Variants in TIAL1 observed in about 807,000 individuals in gnomAD.
The protein encoded by TIAL1 is TIA1 cytotoxic granule associated RNA binding protein like 1.
Under a neutral mutation model 59.7 loss-of-function variants are expected in TIAL1, and 7 were observed. The ratio of observed to expected loss-of-function variants is 0.12; its 90% CI spans 0.07 to 0.22. The LOEUF (loss-of-function observed/expected upper bound fraction) is 0.22, where lower values mean the gene tolerates loss of function less well. Ranked by LOEUF, TIAL1 falls within the 10% of genes least tolerant of loss-of-function variation. TIAL1 has a pLI of 1.00. For missense variants in TIAL1, 225 were observed against 462.5 expected (o/e 0.49, Z 4.71); for synonymous variants, 149 against 146.3 (o/e 1.02, Z -0.13).
At chr10:119,586,838 C>T (rs1845592120) in intron 2 of TIAL1, among the ~76,000 whole-genome samples, 1 of 152,192 alleles carries the variant, frequency 6.6e-6, no homozygotes, top group African/African-American at 2.4e-5. Flanking sequence ...TTCATCTCAG[C>T]TCAAAGAGGT....
rs541762551 is a variant in TIAL1, at chr10:119,591,274, G to A, written c.33-3026C>T. On this transcript the variant is annotated intron_variant, in intron 1 of 11. Coordinates refer to ENST00000436547, the MANE Select transcript of TIAL1 (RefSeq NM_003252.4). The stretch of plus-strand genomic sequence containing the variant: ...CAAAAAATTAGCCAGGCATGGTGGC[G>A]GGCACCTGTAATCCCAGCTACTTGG... Among the ~76,000 whole-genome samples the A allele has an allele frequency of 1.7e-4, 26 of 152,022 alleles. No homozygotes were observed. The South Asian group carries it at 3.1e-3, about 18-fold the overall frequency.
chr10:119,595,753 T>C (rs1218427024), intron 1 of TIAL1, among the ~76,000 whole-genome samples: 1 of 151,968 alleles, frequency 6.6e-6, no homozygotes, highest in Non-Finnish European at 1.5e-5. Context: ...CAGTTTAGCG[T>C]AGGGAGCGCT....
chr10:119,585,361 G>A (rs553926644), intron 2 of TIAL1, among the ~76,000 whole-genome samples: 52 of 140,684 alleles, frequency 3.7e-4, no homozygotes, highest in South Asian at 6.9e-4. Context: ...GAGGTGGGAG[G>A]ATCACTTGAA....
In TIAL1 at chr10:119,582,723, C is replaced by T; in HGVS notation, c.130-166G>A. On this transcript the variant is annotated intron_variant, in intron 2 of 11. Coordinates refer to ENST00000436547, the MANE Select transcript of TIAL1 (RefSeq NM_003252.4). The surrounding 1 kb of genome is among the most constrained non-coding windows in gnomAD (Gnocchi z 5.1). ...AAATAAGATTTAAAGCTAAACCTGA[C>T]TTTGCACCTCAGAATACTGCTGAAC... 3 of 1,079,782 alleles carry T rather than the reference C, an allele frequency of 2.8e-6. No homozygotes were observed. The highest frequency in any genetic ancestry group is 3.7e-6 in the Non-Finnish European group (3 of 800,184). The allele number at this position is 1,079,782 out of a possible 1,614,324, so 66.9% of individuals were successfully genotyped here. A position where few individuals can be genotyped will look rare whatever the true frequency, so the allele number is the denominator to read the frequency against.
At chr10:119,591,834 GCATCATAACAC>G (rs759796493) in intron 1 of TIAL1, 1 of 152,080 alleles carries the variant, frequency 6.6e-6, no homozygotes, top group Non-Finnish European at 1.5e-5. Flanking sequence ...TTGCCTTCGT[GCATCATAACAC>G]TTGAGAGACG....
At chr10:119,591,671 C>T (rs1462546404) in intron 1 of TIAL1, among the ~76,000 whole-genome samples, 1 of 152,072 alleles carries the variant, frequency 6.6e-6, no homozygotes, top group Non-Finnish European at 1.5e-5. Context: ...CATGAAAGGC[C>T]TTCCATAACA....
chr10:119,594,147 A>C (rs1846031881), intron 1 of TIAL1, among the ~76,000 whole-genome samples: 1 of 152,146 alleles, frequency 6.6e-6, no homozygotes, highest in African/African-American at 2.4e-5. Flanking sequence ...GTACTGACAT[A>C]CAAAACAACA....
intron 1 of TIAL1, among the ~76,000 whole-genome samples, chr10:119,588,979 T>C (rs577596924): frequency 2.0e-5 from 3 of 152,294 alleles, no homozygotes; most frequent in African/African-American, 7.2e-5. Context: ...CTGATTGTAA[T>C]AGGATATTAA....
At chr10:119,591,140 A>G (rs1241623082) in intron 1 of TIAL1, among the ~76,000 whole-genome samples, 7 of 152,138 alleles carry the variant, frequency 4.6e-5, no homozygotes, top group African/African-American at 1.7e-4. Flanking sequence ...GTGGTGGCTC[A>G]CACCTGTAAT....
chr10:119,580,136 A>T, intron 5 of TIAL1, 126 bp from the exon 6 acceptor site: 1 of 724,440 alleles, frequency 1.4e-6, no homozygotes, highest in Non-Finnish European at 2.2e-6. Flanking sequence ...CTAATTAACT[A>T]CAACCATTCC....
At position 119,573,518 on chromosome 10, in the gene TIAL1, C is replaced by T. The variant is rs1844801851; in HGVS notation, c.*2147G>A. 6.6e-6 allele frequency: 1 copy of T among 152,458 alleles called. No homozygotes were observed. Among genetic ancestry groups the T allele is most frequent in the Admixed American group, 6.5e-5 (1 of 15,268 alleles). The allele number at this position is 152,458 out of a possible 1,614,324, so 9.4% of individuals were successfully genotyped here. On this transcript the variant is annotated 3_prime_UTR_variant, in exon 12 of 12. Coordinates refer to ENST00000436547, the MANE Select transcript of TIAL1 (RefSeq NM_003252.4). ...TAATTTTATTAAATCATAGAATATA[C>T]AGTCAGGAAACACTACAGCTATATT...
chr10:119,593,733 A>ATAT (rs749873123), intron 1 of TIAL1, among the ~76,000 whole-genome samples: 4 of 152,228 alleles, frequency 2.6e-5, no homozygotes, highest in Non-Finnish European at 4.4e-5. Flanking sequence ...TATATCTAAT[A>ATAT]GAACCCTTTG....
intron 2 of TIAL1, among the ~76,000 whole-genome samples, chr10:119,583,835 G>C (rs988561982): frequency 6.6e-6 from 1 of 152,174 alleles, no homozygotes; most frequent in African/African-American, 2.4e-5. Flanking sequence ...CGTGAATGCT[G>C]TTCTTAAGAG....
intron 2 of TIAL1, 61 bp downstream of exon 2, chr10:119,588,090 TA>T: frequency 2.0e-6 from 2 of 1,019,608 alleles, no homozygotes; most frequent in Non-Finnish European, 2.8e-6. Flanking sequence ...AATGAAATTT[TA>T]AAATCATGCT....
rs1393215099 is a variant in TIAL1 at position 119,574,654 on chromosome 10, G to A, written c.*1011C>T. 3 of 141,928 alleles carry A rather than the reference G, an allele frequency of 2.1e-5. No individual in the cohort carries two copies. The highest frequency in any genetic ancestry group is 5.2e-5 in the African/African-American group (2 of 38,322). 8.8% of individuals were successfully genotyped at this position (141,928 alleles called of 1,614,324 possible). A position where few individuals can be genotyped will look rare whatever the true frequency, so the allele number is the denominator to read the frequency against. ...CAATGACATTTTAGAACATACTAATGCATCAAAGATTGTATGAAATTAAAA... is the reference window on the plus strand; with the variant it reads ...CAATGACATTTTAGAACATACTAATACATCAAAGATTGTATGAAATTAAAA... On this transcript the variant is annotated 3_prime_UTR_variant, in exon 12 of 12. Coordinates refer to ENST00000436547, the MANE Select transcript of TIAL1 (RefSeq NM_003252.4).
chr10:119,586,061 G>A (rs1845558121), intron 2 of TIAL1, among the ~76,000 whole-genome samples: 1 of 152,084 alleles, frequency 6.6e-6, no homozygotes. Context: ...TAGTCCCATG[G>A]CTTCATGGAT....
At position 119,574,181 on chromosome 10, in the gene TIAL1, G is replaced by A. The variant is rs572806318; in HGVS notation, c.*1484C>T. ...ACATTCCTGTTTGATAGAAATTTGAGGCAAATTTTACCCACACAGCCTGAA... is the reference window on the plus strand; with the variant it reads ...ACATTCCTGTTTGATAGAAATTTGAAGCAAATTTTACCCACACAGCCTGAA... On this transcript the variant is annotated 3_prime_UTR_variant, in exon 12 of 12. Transcript: ENST00000436547. The A allele has an allele frequency of 6.6e-6, 1 of 152,604 alleles. No homozygotes were observed. Among genetic ancestry groups the A allele is most frequent in the East Asian group, 1.9e-4 (1 of 5,180 alleles). 9.5% of individuals were successfully genotyped at this position (152,604 alleles called of 1,614,324 possible). A position where few individuals can be genotyped will look rare whatever the true frequency, so the allele number is the denominator to read the frequency against.
chr10:119,581,823 C>A, intron 5 of TIAL1, 99 bp downstream of exon 5: 3 of 914,926 alleles, frequency 3.3e-6, no homozygotes, highest in African/African-American at 1.7e-5. Flanking sequence ...CAAAACAAAA[C>A]CATACTAACT....
rs984245682 is a variant in TIAL1, at chr10:119,573,781, T to C, written c.*1884A>G. 9.9e-5 allele frequency: 15 copies of C among 152,234 alleles called. No individual in the cohort carries two copies. Among genetic ancestry groups the C allele is most frequent in the African/African-American group, 3.6e-4 (15 of 41,460 alleles). 9.4% of individuals were successfully genotyped at this position (152,234 alleles called of 1,614,324 possible). A position where few individuals can be genotyped will look rare whatever the true frequency, so the allele number is the denominator to read the frequency against. On this transcript the variant is annotated 3_prime_UTR_variant, in exon 12 of 12. Coordinates refer to ENST00000436547, the MANE Select transcript of TIAL1 (RefSeq NM_003252.4). Reference sequence around the variant, plus strand: ...TATAAACAAAAGAAATAAGGGTATATTTTATAACAGAAGAGTGTAATAGAT... The same window carrying C: ...TATAAACAAAAGAAATAAGGGTATACTTTATAACAGAAGAGTGTAATAGAT...
Sources: gnomAD v4.1 joint callset for allele counts (sites outside exome capture counted in the v4.1 genomes callset) on GRCh38, gnomAD v4.1.1 for gene constraint, Gnocchi (gnomAD v3.1) non-coding constraint, MANE v1.5 for transcripts, NCBI Gene and HGNC (gene_info 2026-07-23, HGNC 2026-07-21) for gene names.